MCOLN2: variants seen among roughly 807,000 people sequenced by gnomAD.
MCOLN2 encodes the protein mucolipin-2.
Under a neutral mutation model 67.5 loss-of-function variants are expected in MCOLN2, and 57 were observed. The observed-to-expected ratio is 0.84, with a 90% CI of 0.68 to 1.05. The LOEUF (loss-of-function observed/expected upper bound fraction) is 1.05, where lower values mean the gene tolerates loss of function less well. MCOLN2 is among the 50% of genes least tolerant of loss of function. MCOLN2 has a pLI of 0.00. For synonymous variants in MCOLN2, 246 were observed against 233.3 expected (o/e 1.05, Z -0.50); for missense variants, 620 against 678.8 (o/e 0.91, Z 0.96).
chr1:84,934,070 C>T (rs1311622012), intron 11 of MCOLN2, among the ~76,000 whole-genome samples: 1 of 152,156 alleles, frequency 6.6e-6, no homozygotes, highest in African/African-American at 2.4e-5. Context: ...AGAAGGACCA[C>T]ATTTGTAAGG....
At chr1:84,970,272 C>A (rs577667236) in intron 1 of MCOLN2, among the ~76,000 whole-genome samples, 51 of 151,512 alleles carry the variant, frequency 3.4e-4, no homozygotes, top group Non-Finnish European at 5.3e-4. Context: ...CCCCCACCCC[C>A]CAACACACAC....
rs545418561 is a variant in MCOLN2, at chr1:84,929,946, G to A, written c.1543-267C>T. 8.8e-5 allele frequency: 21 copies of A among 237,428 alleles called. No individual in the cohort carries two copies. The East Asian group carries it at 1.7e-3, about 19-fold the overall frequency. 14.7% of individuals were successfully genotyped at this position (237,428 alleles called of 1,614,324 possible). The stretch of plus-strand genomic sequence containing the variant: ...AGAGGTTTTTTTTAAAAAAAAAAAA[G>A]GTAATGAAGGAAATAATCAAAAGTC... On this transcript the variant is annotated intron_variant, in intron 12 of 13. Transcript: ENST00000370608.
intron 13 of MCOLN2, among the ~76,000 whole-genome samples, chr1:84,928,173 T>C (rs1294306444): frequency 6.6e-6 from 1 of 152,238 alleles, no homozygotes; most frequent in Non-Finnish European, 1.5e-5. Context: ...CTTTGTTTTT[T>C]GATATCCTCT....
chr1:84,946,260 A>G (rs1205939460), intron 7 of MCOLN2, among the ~76,000 whole-genome samples: 1 of 151,970 alleles, frequency 6.6e-6, no homozygotes, highest in African/African-American at 2.4e-5. Flanking sequence ...TTTTCTCCTC[A>G]TACTTTTTGT....
intron 1 of MCOLN2, among the ~76,000 whole-genome samples, chr1:84,971,503 C>T (rs1571017544): frequency 2.1e-5 from 1 of 48,698 alleles, no homozygotes; most frequent in South Asian, 6.7e-4. Context: ...CAGACATACA[C>T]ACACACACAC....
chr1:84,973,531 G>C (rs1301140142), intron 1 of MCOLN2, among the ~76,000 whole-genome samples: 2 of 152,160 alleles, frequency 1.3e-5, no homozygotes, highest in African/African-American at 2.4e-5. Context: ...TTAGGTATGT[G>C]AGACATCCTG....
intron 3 of MCOLN2, among the ~76,000 whole-genome samples, chr1:84,956,805 C>A (rs1648820617): frequency 6.6e-6 from 1 of 152,208 alleles, no homozygotes; most frequent in Non-Finnish European, 1.5e-5. Context: ...ACAGCTCCCA[C>A]CTCACTCAGC....
rs116120665 is a variant in MCOLN2, at chr1:84,948,854, G to A, written c.748-1722C>T. Among the ~76,000 whole-genome samples the A allele has an allele frequency of 3.2e-3, 483 of 152,344 alleles. 4 individuals are homozygous for A. Among genetic ancestry groups the A allele is most frequent in the African/African-American group, 0.011 (439 of 41,588 alleles). ...AGCAAAGAAAAATGAATTTCTGGCC[G>A]GGTGCAGTGGCCTGCCTGTAATCCC... On this transcript the variant is annotated intron_variant, in intron 6 of 13. Coordinates refer to ENST00000370608, the MANE Select transcript of MCOLN2 (RefSeq NM_153259.4).
At chr1:84,931,675 T>C (rs1240951277) in intron 11 of MCOLN2, 107 bp from the exon 12 acceptor site, 1 of 889,518 alleles carries the variant, frequency 1.1e-6, no homozygotes, top group Non-Finnish European at 1.8e-6. Context: ...GTAGTAGTGG[T>C]AACTTACTTA....
intron 2 of MCOLN2, 69 bp from the exon 3 acceptor site, chr1:84,958,771 C>A: frequency 8.5e-7 from 1 of 1,181,016 alleles, no homozygotes; most frequent in South Asian, 1.6e-5. Flanking sequence ...TGTCTTCTCA[C>A]TATCATCAAC....
intron 1 of MCOLN2, among the ~76,000 whole-genome samples, chr1:84,975,314 T>C (rs1485285807): frequency 4.6e-5 from 7 of 152,202 alleles, no homozygotes; most frequent in Admixed American, 4.6e-4. Context: ...TGTCACTCCA[T>C]CCCTAGCTTT....
chr1:84,952,997 A>G (rs1350660976), intron 4 of MCOLN2, among the ~76,000 whole-genome samples: 1 of 152,256 alleles, frequency 6.6e-6, no homozygotes, highest in Non-Finnish European at 1.5e-5. Flanking sequence ...GTTATCCTGA[A>G]TAGGATCTTG....
chr1:84,995,421 C>T (rs1651095854), intron 1 of MCOLN2, among the ~76,000 whole-genome samples: 1 of 152,054 alleles, frequency 6.6e-6, no homozygotes, highest in African/African-American at 2.4e-5. Context: ...TCTATGAACC[C>T]CTTAACATGT....
chr1:84,992,859 T>C (rs760805050), intron 1 of MCOLN2, among the ~76,000 whole-genome samples: 4 of 146,146 alleles, frequency 2.7e-5, no homozygotes, highest in Non-Finnish European at 6.1e-5. Context: ...CTTGCCTCCT[T>C]GTTGATGGCT....
At chr1:84,946,761 G>T (rs1470528487) in intron 7 of MCOLN2, among the ~76,000 whole-genome samples, 1 of 152,188 alleles carries the variant, frequency 6.6e-6, no homozygotes, top group Non-Finnish European at 1.5e-5. Flanking sequence ...CACAGGCACA[G>T]TAAACAGAAC....
intron 2 of MCOLN2, among the ~76,000 whole-genome samples, chr1:84,962,827 G>C (rs1476526825): frequency 6.6e-6 from 1 of 152,216 alleles, no homozygotes. Flanking sequence ...TTCCTGGCTA[G>C]AGAGGTGAAA....
chr1:84,930,808 C>CA, intron 12 of MCOLN2, among the ~76,000 whole-genome samples: 1 of 152,182 alleles, frequency 6.6e-6, no homozygotes, highest in Non-Finnish European at 1.5e-5. Flanking sequence ...TACCAGCACC[C>CA]AAGGAAGTGA....
Position 84,940,921 on chromosome 1 carries a change from A to C in MCOLN2, c.918T>G (p.Ile306Met). 1 of 1,613,834 alleles carries C rather than the reference A, an allele frequency of 6.2e-7. No homozygotes were observed. The highest frequency in any genetic ancestry group is 8.5e-7 in the Non-Finnish European group (1 of 1,179,814). Reference protein sequence around the residue: ...FVIVICLASLILCTRSIVLAL... With the variant: ...FVIVICLASLMLCTRSIVLAL... ...CAAGAACAATGGATCTTGTACACAG[A>C]ATAAGAGATGCCAAGCAAATCACAA... is the stretch of plus-strand genomic sequence containing the variant. Residue 306 changes from isoleucine (I) to methionine (M), a missense_variant, in exon 8 of 14, where the codon ATT (isoleucine) becomes ATG (methionine). Transcript: ENST00000370608.
At chr1:84,946,034 C>T (rs1557639120) in intron 7 of MCOLN2, among the ~76,000 whole-genome samples, 1 of 152,182 alleles carries the variant, frequency 6.6e-6, no homozygotes, top group Non-Finnish European at 1.5e-5. Context: ...CAGGTGTGAG[C>T]CACTGTGCTC....
Sources: gnomAD v4.1 joint callset for allele counts (sites outside exome capture counted in the v4.1 genomes callset) on GRCh38, gnomAD v4.1.1 for gene constraint, MANE v1.5 for transcripts, NCBI Gene and HGNC (gene_info 2026-07-23, HGNC 2026-07-21) for gene names.